Variants in RBFOX1 observed in about 807,000 individuals in gnomAD.
RBFOX1 encodes the protein RNA binding fox-1 homolog 1.
In RBFOX1, 8 loss-of-function variants were observed where a neutral mutation model predicts 57.7. The observed-to-expected ratio is 0.14, with a 90% CI of 0.08 to 0.25. RBFOX1 has a LOEUF of 0.25. RBFOX1 is among the 10% of genes least tolerant of loss of function. RBFOX1 has a pLI of 1.00. For missense variants in RBFOX1, 611 were observed against 548.5 expected (o/e 1.11, Z -1.14); for synonymous variants, 326 against 222.4 (o/e 1.47, Z -4.15).
At chr16:6,712,305 T>G (rs1008515754) in intron 3 of RBFOX1, among the ~76,000 whole-genome samples, 1 of 152,164 alleles carries the variant, frequency 6.6e-6, no homozygotes, top group Non-Finnish European at 1.5e-5. Context: ...TTCTGTCATC[T>G]GGGTCTGCCA....
In RBFOX1 at chr16:5,748,762, G is replaced by A. The variant is rs567675267; in HGVS notation, c.319-118541G>A. 2.6e-5 allele frequency among the ~76,000 whole-genome samples: 4 copies of A among 152,206 alleles called. No individual in the cohort carries two copies. The South Asian group carries it at 8.3e-4, about 32-fold the overall frequency. ...ATCCCTTTATTTTGAGCCTATGTGT[G>A]TCTCTGCACATGAGATGGGTTTCCT... On this transcript the variant is annotated intron_variant, in intron 3 of 19. Transcript: ENST00000641259.
At chr16:6,799,890 C>A (rs546518223) in intron 3 of RBFOX1, among the ~76,000 whole-genome samples, 7 of 152,270 alleles carry the variant, frequency 4.6e-5, no homozygotes, top group East Asian at 1.9e-4. Flanking sequence ...TGAGTCATTA[C>A]TGGCTTCCTT....
chr16:7,392,496 A>G (rs2098049990), intron 4 of RBFOX1, among the ~76,000 whole-genome samples: 2 of 152,204 alleles, frequency 1.3e-5, no homozygotes, highest in African/African-American at 2.4e-5. Flanking sequence ...GGTCCTACCA[A>G]AACCAGTGAC....
chr16:5,340,493 T>G (rs1407601891), intron 1 of RBFOX1, among the ~76,000 whole-genome samples: 1 of 152,220 alleles, frequency 6.6e-6, no homozygotes, highest in East Asian at 1.9e-4. Context: ...TTGGGAGTGA[T>G]GGCATGTGTC....
intron 2 of RBFOX1, among the ~76,000 whole-genome samples, chr16:6,435,657 A>G (rs966531513): frequency 6.6e-6 from 1 of 152,106 alleles, no homozygotes; most frequent in Non-Finnish European, 1.5e-5. Flanking sequence ...ACACTGGGGC[A>G]TTTACCCATT....
intron 11 of RBFOX1, 78 bp from the exon 12 acceptor site, chr16:7,653,737 C>A (rs1224120901): frequency 6.3e-7 from 1 of 1,586,636 alleles, no homozygotes; most frequent in East Asian, 2.2e-5. Context: ...GACAAGGGTT[C>A]CCGGGGCAGT....
At chr16:5,522,732 G>C (rs1053335560) in intron 2 of RBFOX1, among the ~76,000 whole-genome samples, 1 of 152,198 alleles carries the variant, frequency 6.6e-6, no homozygotes, top group African/African-American at 2.4e-5. Context: ...CTATGATTCT[G>C]CTCTCCACCT....
chr16:6,836,804 A>G (rs925330554), intron 3 of RBFOX1, among the ~76,000 whole-genome samples: 9 of 152,300 alleles, frequency 5.9e-5, no homozygotes, highest in African/African-American at 2.2e-4. Flanking sequence ...GAAAGTACAG[A>G]TGTTTTTTAA....
intron 2 of RBFOX1, among the ~76,000 whole-genome samples, chr16:6,575,307 T>C (rs558973329): frequency 6.6e-6 from 1 of 152,272 alleles, no homozygotes; most frequent in Admixed American, 6.5e-5. Flanking sequence ...TTGGTCCTTG[T>C]ATATTTATAT....
chr16:6,807,272 G>A (rs1388880417), intron 3 of RBFOX1, among the ~76,000 whole-genome samples: 1 of 152,076 alleles, frequency 6.6e-6, no homozygotes, highest in South Asian at 2.1e-4. Context: ...TGAGGGAGAT[G>A]ATGGGAACTA....
At chr16:6,375,787 G>A (rs1218311728) in intron 2 of RBFOX1, among the ~76,000 whole-genome samples, 1 of 152,006 alleles carries the variant, frequency 6.6e-6, no homozygotes, top group Admixed American at 6.6e-5. Context: ...CAGCACAAAG[G>A]GTATCCATGA....
intron 1 of RBFOX1, among the ~76,000 whole-genome samples, chr16:5,263,783 G>T (rs2062793909): frequency 6.6e-6 from 1 of 152,148 alleles, no homozygotes; most frequent in Non-Finnish European, 1.5e-5. Flanking sequence ...GGGTTTGGGG[G>T]TCTTTGAGAT....
At chr16:6,435,809 G>A (rs1312991449) in intron 2 of RBFOX1, among the ~76,000 whole-genome samples, 1 of 152,120 alleles carries the variant, frequency 6.6e-6, no homozygotes, top group Non-Finnish European at 1.5e-5. Flanking sequence ...AGGAGCTGGT[G>A]CCTATGTGGT....
intron 4 of RBFOX1, among the ~76,000 whole-genome samples, chr16:7,198,888 C>G (rs1343303312): frequency 6.6e-6 from 1 of 152,156 alleles, no homozygotes; most frequent in African/African-American, 2.4e-5. Flanking sequence ...GTGTTGGTTC[C>G]CAGGCAATGA....
At chr16:7,473,338 A>G (rs1027798177) in intron 4 of RBFOX1, among the ~76,000 whole-genome samples, 2 of 151,208 alleles carry the variant, frequency 1.3e-5, no homozygotes, top group African/African-American at 4.8e-5. Flanking sequence ...AGATCACACC[A>G]CTGCACTAGA....
At chr16:7,115,839 G>A (rs1015284457) in intron 4 of RBFOX1, among the ~76,000 whole-genome samples, 1 of 152,228 alleles carries the variant, frequency 6.6e-6, no homozygotes, top group Non-Finnish European at 1.5e-5. Flanking sequence ...CCATGTTACA[G>A]GCTTTATACC....
intron 4 of RBFOX1, among the ~76,000 whole-genome samples, chr16:7,354,801 C>G (rs1457174340): frequency 6.6e-6 from 1 of 152,054 alleles, no homozygotes; most frequent in Non-Finnish European, 1.5e-5. Flanking sequence ...TGCCTAGGAG[C>G]TACATGTGGT....
In RBFOX1 at chr16:5,270,803, T is replaced by C. The variant is rs190200399; in HGVS notation, c.219+30698T>C. On this transcript the variant is annotated intron_variant, in intron 1 of 2. Coordinates refer to the RBFOX1 transcript ENST00000585867. ...TTTATCCTCTCCATGATGTCTTCAT[T>C]AGAAAAGTAAAAATGCTGGAGAACC... 4.4e-4 allele frequency: 199 copies of C among 450,560 alleles called. 1 individual carries two copies. The highest frequency in any genetic ancestry group is 3.9e-3 in the African/African-American group (190 of 48,744). The allele number at this position is 450,560 out of a possible 1,614,324, so 27.9% of individuals were successfully genotyped here.
chr16:7,265,061 G>C (rs1603459897), intron 4 of RBFOX1, among the ~76,000 whole-genome samples: 1 of 152,210 alleles, frequency 6.6e-6, no homozygotes, highest in Non-Finnish European at 1.5e-5. Flanking sequence ...CTTGAAATGA[G>C]TATAATAAGC....
Sources: gnomAD v4.1 joint callset for allele counts (sites outside exome capture counted in the v4.1 genomes callset) on GRCh38, gnomAD v4.1.1 for gene constraint, MANE v1.5 for transcripts, NCBI Gene and HGNC (gene_info 2026-07-23, HGNC 2026-07-21) for gene names.